The following SCHIP1 variants were observed in gnomAD, a reference collection of about 807,000 sequenced individuals.
SCHIP1 encodes the protein schwannomin interacting protein 1.
In SCHIP1, 8 loss-of-function variants were observed where a neutral mutation model predicts 29.7. That is an observed-to-expected ratio of 0.27 (90% CI 0.16 to 0.49). The LOEUF (loss-of-function observed/expected upper bound fraction) is 0.49, where lower values mean the gene tolerates loss of function less well. Among genes scored for constraint, SCHIP1 ranks in the 20% least tolerant of loss-of-function variants. SCHIP1 has a pLI of 0.99. For missense variants in SCHIP1, 193 were observed against 294.6 expected, an observed-to-expected ratio of 0.66 and a Z score of 2.52; for synonymous variants, 76 against 94.9, an observed-to-expected ratio of 0.80 and a Z score of 1.16.
the SCHIP1 span, chr3:159,765,264 G>C: frequency 8.6e-7 from 1 of 1,167,238 alleles, no homozygotes. Context: ...GAGGGTGGGG[G>C]CCAGGCCAGA....
At chr3:159,863,000 C>T (rs770816832) in intron 1 of SCHIP1, among the ~76,000 whole-genome samples, 2 of 152,108 alleles carry the variant, frequency 1.3e-5, no homozygotes, top group Non-Finnish European at 2.9e-5. Context: ...CTTCCAGGAA[C>T]TTATCCTGAG....
chr3:159,300,709 G>T, the SCHIP1 span, among the ~76,000 whole-genome samples: 1 of 152,016 alleles, frequency 6.6e-6, no homozygotes, highest in Non-Finnish European at 1.5e-5. Context: ...AGGCAGTGTG[G>T]AGCCACTTTA....
At chr3:159,755,086 T>G in the SCHIP1 span, among the ~76,000 whole-genome samples, 2 of 151,940 alleles carry the variant, frequency 1.3e-5, no homozygotes, top group African/African-American at 4.8e-5. Flanking sequence ...ATACAAAAAA[T>G]TAGCCAGGCG....
the SCHIP1 span, among the ~76,000 whole-genome samples, chr3:159,518,143 A>AT: frequency 6.6e-6 from 1 of 152,188 alleles, no homozygotes; most frequent in African/African-American, 2.4e-5. Flanking sequence ...GCAGACGGAT[A>AT]TATAAAGGTT....
At chr3:159,591,972 C>CA in the SCHIP1 span, among the ~76,000 whole-genome samples, 5 of 124,878 alleles carry the variant, frequency 4.0e-5, no homozygotes, top group African/African-American at 1.6e-4. Context: ...GGAGGGCCCT[C>CA]AAAAAAAGAA....
the SCHIP1 span, among the ~76,000 whole-genome samples, chr3:159,465,060 G>C: frequency 6.6e-6 from 1 of 152,106 alleles, no homozygotes; most frequent in Non-Finnish European, 1.5e-5. Context: ...AGAGAGCTCA[G>C]TTCAGGGATG....
chr3:159,521,745 CCT>C, the SCHIP1 span, among the ~76,000 whole-genome samples: 1 of 152,126 alleles, frequency 6.6e-6, no homozygotes, highest in Non-Finnish European at 1.5e-5. Flanking sequence ...ATGTTGTGCC[CCT>C]GAGTTGGTGA....
At chr3:159,334,291 G>T in the SCHIP1 span, among the ~76,000 whole-genome samples, 1 of 152,226 alleles carries the variant, frequency 6.6e-6, no homozygotes, top group Admixed American at 6.5e-5. Flanking sequence ...CAAGGGAGAG[G>T]CGATGAAGAT....
At chr3:159,603,616 T>C in the SCHIP1 span, among the ~76,000 whole-genome samples, 1 of 152,096 alleles carries the variant, frequency 6.6e-6, no homozygotes, top group Non-Finnish European at 1.5e-5. Flanking sequence ...AAATATATAT[T>C]TTGCAGTATC....
At chr3:159,518,786 A>G in the SCHIP1 span, among the ~76,000 whole-genome samples, 3 of 152,116 alleles carry the variant, frequency 2.0e-5, no homozygotes, top group Non-Finnish European at 4.4e-5. Flanking sequence ...TTCCTCCAAC[A>G]ATTTCTAGTA....
the SCHIP1 span, among the ~76,000 whole-genome samples, chr3:159,598,860 T>C: frequency 6.6e-6 from 1 of 152,226 alleles, no homozygotes; most frequent in Non-Finnish European, 1.5e-5. Flanking sequence ...ATATGCTTTA[T>C]GAATCTGGAT....
At chr3:159,461,257 T>G in the SCHIP1 span, among the ~76,000 whole-genome samples, 1 of 152,124 alleles carries the variant, frequency 6.6e-6, no homozygotes, top group Non-Finnish European at 1.5e-5. Context: ...TTCTACCTTT[T>G]CATGCCTTCA....
the SCHIP1 span, among the ~76,000 whole-genome samples, chr3:159,500,791 T>G: frequency 1.3e-5 from 2 of 152,122 alleles, no homozygotes; most frequent in Non-Finnish European, 2.9e-5. Context: ...TTGGTACCCT[T>G]TTAGTATTAG....
At chr3:159,425,792 G>T in the SCHIP1 span, among the ~76,000 whole-genome samples, 1 of 152,142 alleles carries the variant, frequency 6.6e-6, no homozygotes, top group South Asian at 2.1e-4. Context: ...ATACTTGGAA[G>T]TAAAGCTCTC....
At chr3:159,831,046 C>T in the SCHIP1 span, among the ~76,000 whole-genome samples, 1 of 152,214 alleles carries the variant, frequency 6.6e-6, no homozygotes, top group East Asian at 1.9e-4. Context: ...CAGTGACACA[C>T]AACTTGCTTT....
At chr3:159,697,600 CTG>C in the SCHIP1 span, among the ~76,000 whole-genome samples, 3 of 152,214 alleles carry the variant, frequency 2.0e-5, no homozygotes, top group South Asian at 4.2e-4. Flanking sequence ...TTAATTAACT[CTG>C]TGAAATGCAA....
chr3:159,587,180 C>T, the SCHIP1 span, among the ~76,000 whole-genome samples: 26 of 152,092 alleles, frequency 1.7e-4, no homozygotes, highest in Non-Finnish European at 2.9e-4. Flanking sequence ...GAAAGCAGTT[C>T]GTAATTTTTA....
At chr3:159,704,527 A>C in the SCHIP1 span, among the ~76,000 whole-genome samples, 3 of 152,044 alleles carry the variant, frequency 2.0e-5, no homozygotes, top group Admixed American at 2.0e-4. Context: ...TCCCAGGCAC[A>C]TGCTCTTTAA....
chr3:159,883,620 G>C (rs1419076404), intron 2 of SCHIP1, among the ~76,000 whole-genome samples: 1 of 151,940 alleles, frequency 6.6e-6, no homozygotes, highest in African/African-American at 2.4e-5. Context: ...ACCTGAGCTC[G>C]TTTTAAGATG....
Sources: gnomAD v4.1 joint callset for allele counts (sites outside exome capture counted in the v4.1 genomes callset) on GRCh38, gnomAD v4.1.1 for gene constraint, MANE v1.5 for transcripts, NCBI Gene and HGNC (gene_info 2026-07-23, HGNC 2026-07-21) for gene names.